GPC6: variants seen among roughly 807,000 people sequenced by gnomAD.
The protein encoded by GPC6 is glypican 6.
A neutral mutation model predicts 55.2 loss-of-function variants in GPC6; 14 were observed. That is an observed-to-expected ratio of 0.25 (90% confidence interval 0.17 to 0.40). The LOEUF is 0.40. Among genes scored for constraint, GPC6 ranks in the 10% least tolerant of loss-of-function variants. The probability of loss-of-function intolerance (pLI) is 1.00; values close to 1 mark genes in which losing one functional copy is unlikely to be tolerated. For missense variants in GPC6, 641 were observed against 708.5 expected, an observed-to-expected ratio of 0.90 and a Z score of 1.08; for synonymous variants, 278 against 259.6, an observed-to-expected ratio of 1.07 and a Z score of -0.68.
chr13:93,514,285 G>A (rs1881101049), intron 1 of GPC6, among the ~76,000 whole-genome samples: 2 of 152,080 alleles, frequency 1.3e-5, no homozygotes, highest in African/African-American at 4.8e-5. Context: ...TTGGTTTAGA[G>A]AGCCTTACTG....
At chr13:93,549,076 T>C (rs908189568) in intron 2 of GPC6, among the ~76,000 whole-genome samples, 2 of 152,182 alleles carry the variant, frequency 1.3e-5, no homozygotes, top group African/African-American at 4.8e-5. Context: ...CCCTGAACTA[T>C]GCAGGGATGT....
intron 4 of GPC6, among the ~76,000 whole-genome samples, chr13:94,225,685 A>G (rs144735444): frequency 1.3e-5 from 2 of 151,172 alleles, no homozygotes; most frequent in African/African-American, 4.9e-5. Flanking sequence ...ATATATATAT[A>G]TATAAACTGT....
chr13:94,087,321 T>C (rs1346345993), intron 4 of GPC6, among the ~76,000 whole-genome samples: 1 of 152,180 alleles, frequency 6.6e-6, no homozygotes, highest in Non-Finnish European at 1.5e-5. Context: ...AATCAGGACA[T>C]GTAAAACAAG....
intron 1 of GPC6, among the ~76,000 whole-genome samples, chr13:93,267,393 G>GC (rs1555286082): frequency 6.8e-6 from 1 of 147,408 alleles, no homozygotes; most frequent in African/African-American, 2.5e-5. Flanking sequence ...ACAGGAGAGG[G>GC]TTTTTTTTTT....
intron 5 of GPC6, among the ~76,000 whole-genome samples, chr13:94,291,865 G>A (rs1397629123): frequency 6.6e-6 from 1 of 151,672 alleles, no homozygotes; most frequent in African/African-American, 2.4e-5. Context: ...TCCTAATTAG[G>A]GCCAGATATC....
chr13:93,922,412 G>A (rs1024869720), intron 3 of GPC6, among the ~76,000 whole-genome samples: 5 of 152,090 alleles, frequency 3.3e-5, no homozygotes, highest in African/African-American at 1.2e-4. Context: ...TGTAAGAAAA[G>A]GACAGTTGTT....
chr13:93,862,224 C>A (rs1412562550), intron 3 of GPC6, among the ~76,000 whole-genome samples: 1 of 151,590 alleles, frequency 6.6e-6, no homozygotes, highest in Non-Finnish European at 1.5e-5. Context: ...AGTTCTCTCC[C>A]ACAGTAACAG....
At chr13:93,515,862 C>A (rs963468081) in intron 1 of GPC6, among the ~76,000 whole-genome samples, 1 of 152,048 alleles carries the variant, frequency 6.6e-6, no homozygotes, top group African/African-American at 2.4e-5. Flanking sequence ...CAGAAAAAGT[C>A]ATATCTATAG....
chr13:94,190,328 C>T (rs963082306), intron 4 of GPC6, among the ~76,000 whole-genome samples: 1 of 151,582 alleles, frequency 6.6e-6, no homozygotes. Flanking sequence ...AAAAAGTATG[C>T]AGAAAAAATT....
chr13:94,040,285 T>G (rs1251183457), intron 4 of GPC6, among the ~76,000 whole-genome samples: 3 of 151,970 alleles, frequency 2.0e-5, no homozygotes, highest in Middle Eastern at 3.4e-3. Context: ...GCATGTCCTG[T>G]GGCATGATTG....
intron 3 of GPC6, among the ~76,000 whole-genome samples, chr13:93,888,503 G>A (rs1026370429): frequency 6.6e-6 from 1 of 152,130 alleles, no homozygotes; most frequent in African/African-American, 2.4e-5. Flanking sequence ...AATATGTAGA[G>A]GACAGGTTAG....
chr13:93,853,630 C>T (rs529281349), intron 3 of GPC6, among the ~76,000 whole-genome samples: 1 of 151,578 alleles, frequency 6.6e-6, no homozygotes, highest in East Asian at 2.0e-4. Flanking sequence ...TGTCTCTTAT[C>T]CTTGTGTTAG....
chr13:93,426,934 C>G (rs1877152676), intron 1 of GPC6, among the ~76,000 whole-genome samples: 1 of 148,940 alleles, frequency 6.7e-6, no homozygotes, highest in Admixed American at 6.7e-5. Flanking sequence ...GCCATTCTAA[C>G]TGGTGTGAGA....
chr13:94,211,409 A>G (rs1890075525), intron 4 of GPC6, among the ~76,000 whole-genome samples: 1 of 152,242 alleles, frequency 6.6e-6, no homozygotes, highest in African/African-American at 2.4e-5. Context: ...TCAGTATAAG[A>G]ACGTAAAGAA....
At chr13:93,871,568 A>C (rs1594542490) in intron 3 of GPC6, among the ~76,000 whole-genome samples, 1 of 151,980 alleles carries the variant, frequency 6.6e-6, no homozygotes, top group Non-Finnish European at 1.5e-5. Context: ...CTATAGAGTA[A>C]ATTTTGATGT....
intron 1 of GPC6, among the ~76,000 whole-genome samples, chr13:93,518,840 A>G (rs1049518647): frequency 6.6e-6 from 1 of 152,032 alleles, no homozygotes; most frequent in Non-Finnish European, 1.5e-5. Context: ...TTGATAGTTA[A>G]CAAAGTGTAA....
At chr13:93,307,649 C>G (rs142805931) in intron 1 of GPC6, among the ~76,000 whole-genome samples, 2,366 of 152,136 alleles carry the variant, frequency 0.016, 61 homozygotes, top group African/African-American at 0.055. Context: ...TAAAAAGCCA[C>G]TATGTAAATG....
At chr13:93,451,969 A>G (rs939938760) in intron 1 of GPC6, among the ~76,000 whole-genome samples, 11 of 152,184 alleles carry the variant, frequency 7.2e-5, no homozygotes, top group Admixed American at 7.2e-4. Context: ...AGCTGGGTTT[A>G]TCTTTATGCT....
At chr13:93,225,930 A>T (rs999078740), upstream of GPC6, among the ~76,000 whole-genome samples, 2 of 152,202 alleles carry the variant, frequency 1.3e-5, no homozygotes, top group Non-Finnish European at 2.9e-5. Context: ...CTATCTTAGT[A>T]GTTTCAGGAG....
Sources: allele counts gnomAD v4.1 joint callset (sites outside exome capture counted in the v4.1 genomes callset), GRCh38; gene constraint gnomAD v4.1.1; transcripts MANE v1.5; gene names NCBI Gene and HGNC (gene_info 2026-07-23, HGNC 2026-07-21).